SCLT1: variants seen among roughly 807,000 people sequenced by gnomAD.
SCLT1 encodes sodium channel-associated protein 1.
In SCLT1, 78 loss-of-function variants were observed where a neutral mutation model predicts 112.8. That is an observed-to-expected ratio of 0.69 (90% CI 0.58 to 0.83). The LOEUF (loss-of-function observed/expected upper bound fraction) is 0.83, where lower values mean the gene tolerates loss of function less well. Ranked by LOEUF, SCLT1 falls within the 40% of genes least tolerant of loss-of-function variation. SCLT1 has a pLI of 0.00. For missense variants in SCLT1, 747 were observed against 770.4 expected (o/e 0.97, Z 0.36); for synonymous variants, 257 against 254.7 (o/e 1.01, Z -0.09).
Position 129,003,738 on chromosome 4 carries a change from C to G in SCLT1, c.426+3G>C, listed in dbSNP as rs756408201. On this transcript the variant is annotated splice_donor_region_variant and intron_variant, in intron 6 of 20. Transcript: ENST00000281142. ...ATAATTTTTAAAAATACATGTCACTCACTTGATTGGCTAGCTGCAATTGTT... is the reference window on the plus strand; with the variant it reads ...ATAATTTTTAAAAATACATGTCACTGACTTGATTGGCTAGCTGCAATTGTT... 1 of 1,595,506 alleles carries G rather than the reference C, an allele frequency of 6.3e-7. No individual in the cohort carries two copies. Among genetic ancestry groups the G allele is most frequent in the Non-Finnish European group, 8.5e-7 (1 of 1,172,904 alleles).
In SCLT1 at chr4:129,000,959, AC is replaced by A. The variant is rs750303498; in HGVS notation, c.427-1166del. 1.7e-3 allele frequency among the ~76,000 whole-genome samples: 249 copies of A among 150,812 alleles called. 2 individuals carry two copies. The highest frequency in any genetic ancestry group is 0.014 in the East Asian group (70 of 5,166). On this transcript the variant is annotated intron_variant, in intron 6 of 20. Transcript: ENST00000281142. The stretch of plus-strand genomic sequence containing the variant: ...TTTTGTCTAAAACTTAAAAAAAAAA[AC>A]AAAAACTGTAGGCTAATTAAAAATT...
intron 5 of SCLT1, among the ~76,000 whole-genome samples, chr4:129,038,605 G>A (rs551048697): frequency 6.6e-6 from 1 of 152,260 alleles, no homozygotes; most frequent in South Asian, 2.1e-4. Flanking sequence ...GGAAATGGAA[G>A]AAAAACATGG....
chr4:128,978,879 G>T (rs1324177898), intron 9 of SCLT1, among the ~76,000 whole-genome samples: 2 of 152,066 alleles, frequency 1.3e-5, no homozygotes, highest in African/African-American at 4.8e-5. Flanking sequence ...GGCAAGAAAT[G>T]GGGGTACAAT....
chr4:128,937,917 T>C (rs184909617), intron 17 of SCLT1, among the ~76,000 whole-genome samples: 1 of 152,322 alleles, frequency 6.6e-6, no homozygotes, highest in Non-Finnish European at 1.5e-5. Context: ...TTCATCTGTG[T>C]CTACAATGTA....
intron 20 of SCLT1, among the ~76,000 whole-genome samples, chr4:128,884,881 A>C (rs532574486): frequency 1.4e-4 from 22 of 152,174 alleles, no homozygotes; most frequent in Non-Finnish European, 3.1e-4. Flanking sequence ...TCTTGGGCTC[A>C]AGCAATCCAC....
intron 8 of SCLT1, among the ~76,000 whole-genome samples, chr4:128,994,439 G>A (rs890479291): frequency 2.0e-5 from 3 of 152,090 alleles, no homozygotes; most frequent in South Asian, 2.1e-4. Context: ...GGTTGTTTTC[G>A]TATCTTGGCT....
chr4:128,930,007 T>C (rs1418805613), intron 18 of SCLT1, among the ~76,000 whole-genome samples: 1 of 152,180 alleles, frequency 6.6e-6, no homozygotes, highest in East Asian at 1.9e-4. Context: ...TACACAGATT[T>C]GGTCTTACGG....
At chr4:129,046,340 C>G (rs569235744) in intron 2 of SCLT1, among the ~76,000 whole-genome samples, 4 of 152,162 alleles carry the variant, frequency 2.6e-5, no homozygotes, top group African/African-American at 9.6e-5. Context: ...GTCACTACCC[C>G]CAGGCTCCAT....
chr4:128,890,807 C>G (rs888172376), intron 19 of SCLT1, among the ~76,000 whole-genome samples: 3 of 152,140 alleles, frequency 2.0e-5, no homozygotes, highest in Non-Finnish European at 4.4e-5. Context: ...AATACGTTCT[C>G]TGAAATACTA....
At chr4:128,908,784 T>G (rs934211772) in intron 18 of SCLT1, among the ~76,000 whole-genome samples, 38 of 152,174 alleles carry the variant, frequency 2.5e-4, no homozygotes, top group African/African-American at 8.9e-4. Flanking sequence ...AAAACTGAGT[T>G]AGTTAAGTGC....
chr4:129,069,573 A>C (rs1750799327), intron 2 of SCLT1, among the ~76,000 whole-genome samples: 2 of 152,212 alleles, frequency 1.3e-5, no homozygotes, highest in South Asian at 4.1e-4. Flanking sequence ...GTTGCTGTAT[A>C]GAAGGGCTAC....
chr4:128,942,514 A>AAGGAAATAAGAAGGAAAT (rs1327647991), intron 17 of SCLT1, among the ~76,000 whole-genome samples: 2 of 152,132 alleles, frequency 1.3e-5, no homozygotes, highest in Non-Finnish European at 2.9e-5. Flanking sequence ...ATAAGAGAGA[A>AAGGAAATAAGAAGGAAAT]AAGAAAGGGA....
chr4:128,889,290 T>G (rs1733129301), intron 19 of SCLT1, among the ~76,000 whole-genome samples: 1 of 152,122 alleles, frequency 6.6e-6, no homozygotes, highest in Admixed American at 6.5e-5. Flanking sequence ...GATGATCAAG[T>G]TGAGATGAGA....
At chr4:128,901,914 C>G (rs913286759) in intron 18 of SCLT1, among the ~76,000 whole-genome samples, 1 of 151,756 alleles carries the variant, frequency 6.6e-6, no homozygotes, top group Non-Finnish European at 1.5e-5. Flanking sequence ...GGAATAGGAA[C>G]TTTTTTTTGT....
chr4:128,976,905 A>AT (rs756310792), intron 9 of SCLT1, among the ~76,000 whole-genome samples: 10 of 152,340 alleles, frequency 6.6e-5, no homozygotes, highest in Middle Eastern at 6.8e-3. Flanking sequence ...GGGGACTACA[A>AT]TGTCAATGAC....
At chr4:129,075,931 T>C (rs762902687) in intron 2 of SCLT1, among the ~76,000 whole-genome samples, 5 of 152,170 alleles carry the variant, frequency 3.3e-5, no homozygotes, top group Non-Finnish European at 5.9e-5. Flanking sequence ...TGTCAAATTC[T>C]TCCCTGCCTC....
intron 12 of SCLT1, 39 bp downstream of exon 12, chr4:128,959,561 C>T: frequency 6.7e-7 from 1 of 1,499,242 alleles, no homozygotes; most frequent in South Asian, 1.1e-5. Flanking sequence ...GAATAGTCAA[C>T]ATTTTATTAT....
intron 18 of SCLT1, 46 bp from the exon 19 acceptor site, chr4:128,891,183 G>C: frequency 7.2e-7 from 1 of 1,385,600 alleles, no homozygotes; most frequent in Non-Finnish European, 1.0e-6. Flanking sequence ...GTTCCAAATA[G>C]AAAACAGAAT....
chr4:129,021,880 C>G (rs1448586291), intron 5 of SCLT1, among the ~76,000 whole-genome samples: 1 of 152,208 alleles, frequency 6.6e-6, no homozygotes, highest in Non-Finnish European at 1.5e-5. Flanking sequence ...AGGGAGAAAC[C>G]TCCCAACAGG....
Sources: allele counts gnomAD v4.1 joint callset (sites outside exome capture counted in the v4.1 genomes callset), GRCh38; gene constraint gnomAD v4.1.1; transcripts MANE v1.5; gene names NCBI Gene and HGNC (gene_info 2026-07-23, HGNC 2026-07-21).